Variants in DGLUCY observed in about 807,000 individuals in gnomAD.
DGLUCY encodes the protein D-glutamate cyclase, also known as D-glutamate cyclase, mitochondrial.
DGLUCY carries 58 observed loss-of-function variants against 58.5 expected under a neutral mutation model. The observed-to-expected ratio is 0.99, with a 90% CI of 0.80 to 1.23. The LOEUF (loss-of-function observed/expected upper bound fraction) is 1.23, where lower values mean the gene tolerates loss of function less well. Ranked by LOEUF, DGLUCY falls within the 50% of genes most tolerant of loss-of-function variation. The pLI is 0.00. For synonymous variants in DGLUCY, 325 were observed against 314.1 expected (o/e 1.03, Z -0.37); for missense variants, 779 against 784.7 (o/e 0.99, Z 0.09).
chr14:91,111,502 C>G (rs1003578917), upstream of DGLUCY, among the ~76,000 whole-genome samples: 1 of 152,114 alleles, frequency 6.6e-6, no homozygotes, highest in Non-Finnish European at 1.5e-5. Flanking sequence ...AGGATGGTCT[C>G]AATCTCCTGA....
intron 11 of DGLUCY, 78 bp from the exon 12 acceptor site, chr14:91,204,628 C>A: frequency 6.4e-7 from 1 of 1,566,626 alleles, no homozygotes; most frequent in Non-Finnish European, 8.7e-7. Flanking sequence ...GCAACAAGCA[C>A]ATGTAGGGCT....
Position 91,173,287 on chromosome 14 carries a change from A to C in DGLUCY, c.457-2A>C. 3.8e-6 allele frequency: 6 copies of C among 1,598,632 alleles called. No individual in the cohort carries two copies. The highest frequency in any genetic ancestry group is 5.1e-6 in the Non-Finnish European group (6 of 1,175,742). ...ACTTGATTTTTTTTTTTTTTTGGTC[A>C]GACAACAGTGCCTTGTGTTACCCAT... is the stretch of plus-strand genomic sequence containing the variant. On this transcript the variant is annotated splice_acceptor_variant, in intron 5 of 13. Transcript: ENST00000256324. LOFTEE classifies it high-confidence loss of function.
chr14:91,146,574 A>G (rs1241927425), intron 1 of DGLUCY, among the ~76,000 whole-genome samples: 1 of 152,080 alleles, frequency 6.6e-6, no homozygotes, highest in African/African-American at 2.4e-5. Flanking sequence ...TGTCCCCCGG[A>G]GGAATGTACA....
chr14:91,170,851 C>T (rs1325328631), intron 5 of DGLUCY, among the ~76,000 whole-genome samples: 6 of 152,226 alleles, frequency 3.9e-5, no homozygotes, highest in Admixed American at 3.3e-4. Flanking sequence ...AACAGCCAGG[C>T]TCCAGGTTTC....
chr14:91,170,322 G>C (rs1275893075), intron 5 of DGLUCY, 121 bp downstream of exon 5: 1 of 1,118,566 alleles, frequency 8.9e-7, no homozygotes, highest in African/African-American at 1.7e-5. Context: ...TCCAGCCCCA[G>C]CTCAGCCATT....
At chr14:91,082,858 ATCC>A (rs2044150292) in intron 1 of DGLUCY, among the ~76,000 whole-genome samples, 1 of 152,130 alleles carries the variant, frequency 6.6e-6, no homozygotes, top group African/African-American at 2.4e-5. Context: ...GGCTCAAGCA[ATCC>A]TCCTGCCTCA....
chr14:91,060,441 C>T (rs768843079), exon 1 of DGLUCY: 142 of 1,462,760 alleles, frequency 9.7e-5, no homozygotes, highest in Non-Finnish European at 1.3e-4. Context: ...CCATCTTCTC[C>T]TTTTTTTCCG....
intron 8 of DGLUCY, among the ~76,000 whole-genome samples, chr14:91,188,384 C>T (rs544916060): frequency 6.6e-6 from 1 of 152,172 alleles, no homozygotes; most frequent in Non-Finnish European, 1.5e-5. Flanking sequence ...CAGCCATTTA[C>T]CCCTCTGTCC....
chr14:91,147,242 C>T (rs1221194710), intron 1 of DGLUCY, among the ~76,000 whole-genome samples: 1 of 152,278 alleles, frequency 6.6e-6, no homozygotes, highest in South Asian at 2.1e-4. Flanking sequence ...GGATGTGGCA[C>T]TGTCACTGGT....
At chr14:91,215,730 C>T (rs780200625) in intron 13 of DGLUCY, 174 bp downstream of exon 13, 10 of 1,503,550 alleles carry the variant, frequency 6.7e-6, no homozygotes, top group East Asian at 2.5e-5. Context: ...TTAAGCTACT[C>T]GCAGTTCTGA....
chr14:91,119,471 T>A (rs1453086268), intron 1 of DGLUCY, among the ~76,000 whole-genome samples: 1 of 152,176 alleles, frequency 6.6e-6, no homozygotes, highest in Non-Finnish European at 1.5e-5. Context: ...TGAAGACTCT[T>A]TCTCACTGCA....
chr14:91,100,771 T>C (rs1478963478), intron 1 of DGLUCY, among the ~76,000 whole-genome samples: 1 of 152,176 alleles, frequency 6.6e-6, no homozygotes, highest in Admixed American at 6.6e-5. Context: ...TGAATTCTTT[T>C]TTTACAAATT....
At chr14:91,193,007 G>T (rs1332893613) in intron 9 of DGLUCY, among the ~76,000 whole-genome samples, 1 of 152,128 alleles carries the variant, frequency 6.6e-6, no homozygotes, top group Non-Finnish European at 1.5e-5. Flanking sequence ...GGCTGTTGGC[G>T]TGTTGGTGGG....
rs866625868 is a variant in DGLUCY at position 91,063,465 on chromosome 14, C to G, written c.-82+2761C>G. Among the ~76,000 whole-genome samples the G allele has an allele frequency of 2.6e-5, 4 of 152,332 alleles. No individual in the cohort carries two copies. The East Asian group carries it at 7.7e-4, about 29-fold the overall frequency. ...GGGTATGCCACAGACTGGGAGGACTCTGAACCCCTGAGTTTCCACTTAATT... is the reference window on the plus strand; with the variant it reads ...GGGTATGCCACAGACTGGGAGGACTGTGAACCCCTGAGTTTCCACTTAATT... On this transcript the variant is annotated intron_variant, in intron 1 of 4. Coordinates refer to the DGLUCY transcript ENST00000521334.
intron 8 of DGLUCY, among the ~76,000 whole-genome samples, chr14:91,181,813 A>G (rs1000677048): frequency 1.4e-4 from 21 of 151,138 alleles, no homozygotes; most frequent in African/African-American, 5.1e-4. Context: ...CACCTGGCTA[A>G]TTTTTGTATT....
intron 1 of DGLUCY, among the ~76,000 whole-genome samples, chr14:91,068,890 A>G (rs1365967624): frequency 1.3e-5 from 2 of 152,218 alleles, no homozygotes; most frequent in African/African-American, 4.8e-5. Flanking sequence ...CTAAGAGTCA[A>G]TGTACAGTGC....
At chr14:91,173,615 G>A (rs2048696829) in intron 6 of DGLUCY, 176 bp downstream of exon 6, 1 of 871,220 alleles carries the variant, frequency 1.1e-6, no homozygotes, top group Non-Finnish European at 1.6e-6. Context: ...AAGCAGACAG[G>A]AGTTTGCCAC....
chr14:91,187,476 G>A (rs1279976495), intron 8 of DGLUCY, among the ~76,000 whole-genome samples: 1 of 152,222 alleles, frequency 6.6e-6, no homozygotes, highest in Non-Finnish European at 1.5e-5. Context: ...GGCACAATGG[G>A]ACCTCATGAG....
rs558908726 is a variant in DGLUCY, at chr14:91,116,653, G to A, written c.-82+2370G>A. Among the ~76,000 whole-genome samples the A allele has an allele frequency of 2.4e-4, 37 of 152,238 alleles. 1 individual carries two copies. The highest frequency in any genetic ancestry group is 4.1e-4 in the Non-Finnish European group (28 of 68,000). ...AAGTGAAAGCAAGTTTATTAAGAAAGTAAAGGAATAGGCCGGGCGTGGTGG... is the reference window on the plus strand; with the variant it reads ...AAGTGAAAGCAAGTTTATTAAGAAAATAAAGGAATAGGCCGGGCGTGGTGG... On this transcript the variant is annotated intron_variant, in intron 1 of 13. Transcript: ENST00000256324.
Sources: allele counts gnomAD v4.1 joint callset (sites outside exome capture counted in the v4.1 genomes callset), GRCh38; gene constraint gnomAD v4.1.1; transcripts MANE v1.5; gene names NCBI Gene and HGNC (gene_info 2026-07-23, HGNC 2026-07-21).